Variants in NT5DC3 observed in about 807,000 individuals in gnomAD.
NT5DC3 encodes 5'-nucleotidase domain-containing protein 3.
In NT5DC3, 42 loss-of-function variants were observed where a neutral mutation model predicts 67.8. The observed-to-expected ratio is 0.62, with a 90% CI of 0.48 to 0.80. NT5DC3 has a LOEUF of 0.80. NT5DC3 is among the 30% of genes least tolerant of loss of function. NT5DC3 has a pLI of 0.00. For missense variants in NT5DC3, 570 were observed against 696.4 expected (o/e 0.82, Z 2.04); for synonymous variants, 237 against 255.6 (o/e 0.93, Z 0.69).
intron 1 of NT5DC3, among the ~76,000 whole-genome samples, chr12:103,831,141 G>A (rs1214162785): frequency 6.6e-6 from 1 of 152,184 alleles, no homozygotes; most frequent in African/African-American, 2.4e-5. Context: ...ACCCCCATGT[G>A]TCAAGGGCGG....
chr12:103,783,838 A>G (rs1885655962), intron 12 of NT5DC3, among the ~76,000 whole-genome samples: 1 of 151,854 alleles, frequency 6.6e-6, no homozygotes, highest in South Asian at 2.1e-4. Context: ...TACTGATACC[A>G]TCTACGTGCA....
chr12:103,749,027 C>T, the NT5DC3 span: 1 of 1,614,132 alleles, frequency 6.2e-7, no homozygotes, highest in Non-Finnish European at 8.5e-7. Context: ...CCCAGAAGGG[C>T]ACGAAGGTCT....
At chr12:103,829,223 A>G (rs1397752433) in intron 1 of NT5DC3, among the ~76,000 whole-genome samples, 5 of 152,164 alleles carry the variant, frequency 3.3e-5, no homozygotes, top group Non-Finnish European at 2.9e-5. Flanking sequence ...CAGTTAGTAA[A>G]TATTTGGGGC....
the NT5DC3 span, among the ~76,000 whole-genome samples, chr12:103,761,088 G>A: frequency 6.6e-6 from 1 of 152,150 alleles, no homozygotes; most frequent in African/African-American, 2.4e-5. Flanking sequence ...GACCCATAAG[G>A]TTCTCTGCAG....
chr12:103,829,928 A>T (rs945223279), intron 1 of NT5DC3, among the ~76,000 whole-genome samples: 1 of 151,420 alleles, frequency 6.6e-6, no homozygotes, highest in African/African-American at 2.4e-5. Context: ...TAAATGATTG[A>T]GCTAGATATA....
chr12:103,810,098 C>T (rs995295522), intron 2 of NT5DC3, among the ~76,000 whole-genome samples: 1 of 152,178 alleles, frequency 6.6e-6, no homozygotes, highest in East Asian at 1.9e-4. Context: ...TGAGTGGCTT[C>T]GCTGGATTGA....
At chr12:103,778,326 T>C (rs1885414804) in intron 13 of NT5DC3, among the ~76,000 whole-genome samples, 1 of 151,624 alleles carries the variant, frequency 6.6e-6, no homozygotes, top group Admixed American at 6.6e-5. Context: ...AGGCCAGGAG[T>C]TCGAGACCAG....
chr12:103,761,545 C>T, the NT5DC3 span: 1 of 751,414 alleles, frequency 1.3e-6, no homozygotes, highest in South Asian at 1.8e-5. Flanking sequence ...CCTCCAACCT[C>T]CAAGGTAGCT....
the NT5DC3 span, among the ~76,000 whole-genome samples, chr12:103,757,703 C>T: frequency 3.3e-5 from 5 of 152,152 alleles, no homozygotes; most frequent in Non-Finnish European, 2.9e-5. Flanking sequence ...GCAGCAGGAG[C>T]GTGCCAGGCA....
chr12:103,782,138 G>T (rs1487888266), intron 12 of NT5DC3, among the ~76,000 whole-genome samples: 5 of 152,238 alleles, frequency 3.3e-5, no homozygotes, highest in Non-Finnish European at 7.3e-5. Flanking sequence ...GGGAGGCCAA[G>T]GCAGGTGGAT....
At chr12:103,789,898 C>T (rs185114722) in intron 9 of NT5DC3, among the ~76,000 whole-genome samples, 14 of 152,258 alleles carry the variant, frequency 9.2e-5, no homozygotes, top group African/African-American at 2.2e-4. Context: ...ATTCTAGACC[C>T]ACCATGTACA....
chr12:103,789,910 TTAACA>T (rs747680995), intron 9 of NT5DC3, among the ~76,000 whole-genome samples: 5 of 152,234 alleles, frequency 3.3e-5, no homozygotes, highest in Non-Finnish European at 5.9e-5. Flanking sequence ...CCATGTACAC[TTAACA>T]TTTCAGTTCG....
At chr12:103,755,561 C>T in the NT5DC3 span, 82 of 1,611,138 alleles carry the variant, frequency 5.1e-5, no homozygotes, top group Non-Finnish European at 1.0e-5. Context: ...AGCAGTGCAG[C>T]CCTGGCCCCT....
chr12:103,841,040 G>T lies in NT5DC3; in HGVS notation c.117C>A (p.Pro39=). The T allele has an allele frequency of 7.9e-7, 1 of 1,265,368 alleles. No individual in the cohort carries two copies. Among genetic ancestry groups the T allele is most frequent in the East Asian group, 3.1e-5 (1 of 32,030 alleles). The allele number at this position is 1,265,368 out of a possible 1,614,324, so 78.4% of individuals were successfully genotyped here. A position where few individuals can be genotyped will look rare whatever the true frequency, so the allele number is the denominator to read the frequency against. The part of the protein sequence containing the change: ...TAARGRPCAG[P]ARPLCTAPGT... ...CGGGTGCAGTGCACAAGGGCCGGGC[G>T]GGGCCCGCACACGGCCGCCCCCGAG... The change falls in exon 1 of 14, where the codon CCC becomes CCA. Residue 39 remains proline (P), a synonymous_variant. Transcript: ENST00000392876.
chr12:103,831,914 T>C lies in NT5DC3; in HGVS notation c.208+9035A>G, dbSNP rs551209761. 2.6e-5 allele frequency among the ~76,000 whole-genome samples: 4 copies of C among 152,022 alleles called. No homozygotes were observed. In the East Asian group the frequency reaches 7.7e-4, roughly 29 times the overall value. The stretch of plus-strand genomic sequence containing the variant: ...GCCTCAGCCTCCCAAGTGGCTGGGA[T>C]TACAGGCTCATGCCACCTCGTCCAG... On this transcript the variant is annotated intron_variant, in intron 1 of 13. Transcript: ENST00000392876.
At chr12:103,819,424 A>C (rs889076391) in intron 1 of NT5DC3, among the ~76,000 whole-genome samples, 3 of 152,258 alleles carry the variant, frequency 2.0e-5, no homozygotes, top group African/African-American at 7.2e-5. Context: ...ACACTTTCTC[A>C]AAGGAGAAAC....
At chr12:103,789,816 C>A (rs1462289057) in intron 9 of NT5DC3, among the ~76,000 whole-genome samples, 2 of 152,020 alleles carry the variant, frequency 1.3e-5, no homozygotes, top group African/African-American at 4.8e-5. Context: ...ATAAGTGTCA[C>A]CCTAAAAAAA....
chr12:103,749,551 C>T, the NT5DC3 span, among the ~76,000 whole-genome samples: 1 of 151,764 alleles, frequency 6.6e-6, no homozygotes, highest in African/African-American at 2.4e-5. Flanking sequence ...AAAAGCTGGC[C>T]GGGCACGGTG....
chr12:103,814,384 C>G (rs1326857541), intron 2 of NT5DC3, among the ~76,000 whole-genome samples: 1 of 152,170 alleles, frequency 6.6e-6, no homozygotes, highest in East Asian at 1.9e-4. Context: ...GGTACGGGCC[C>G]ACAAGACTTC....
Sources: allele counts gnomAD v4.1 joint callset (sites outside exome capture counted in the v4.1 genomes callset), GRCh38; gene constraint gnomAD v4.1.1; transcripts MANE v1.5; gene names NCBI Gene and HGNC (gene_info 2026-07-23, HGNC 2026-07-21).